Variants in ACSL3 observed in about 807,000 individuals in gnomAD.
ACSL3 encodes the protein fatty acid CoA ligase Acsl3.
ACSL3 carries 34 observed loss-of-function variants against 84.7 expected under a neutral mutation model. The ratio of observed to expected loss-of-function variants is 0.40; its 90% CI spans 0.31 to 0.53. The LOEUF is 0.53. Ranked by LOEUF, ACSL3 falls within the 20% of genes least tolerant of loss-of-function variation. The probability of loss-of-function intolerance (pLI) is 0.48; values close to 1 mark genes in which losing one functional copy is unlikely to be tolerated. For synonymous variants in ACSL3, 315 were observed against 299.4 expected, an observed-to-expected ratio of 1.05 and a Z score of -0.54; for missense variants, 680 against 873.1, an observed-to-expected ratio of 0.78 and a Z score of 2.79.
intron 15 of ACSL3, among the ~76,000 whole-genome samples, chr2:222,934,055 G>T (rs1368020451): frequency 6.6e-6 from 1 of 152,080 alleles, no homozygotes; most frequent in African/African-American, 2.4e-5. Flanking sequence ...GGCATAGTCA[G>T]AGTTCCTCTA....
chr2:222,918,958 GA>G, intron 6 of ACSL3, 105 bp from the exon 7 acceptor site: 1 of 1,357,872 alleles, frequency 7.4e-7, no homozygotes, highest in Non-Finnish European at 1.0e-6. Context: ...TTTCTTTTTT[GA>G]GGCAAGAAAT....
intron 11 of ACSL3, among the ~76,000 whole-genome samples, chr2:222,925,870 T>C (rs568340521): frequency 3.0e-4 from 45 of 152,334 alleles, no homozygotes; most frequent in Admixed American, 2.6e-3. Flanking sequence ...ATAGAGTACA[T>C]AGATTTATGA....
intron 1 of ACSL3, 107 bp downstream of exon 1, chr2:222,861,365 C>T (rs1453563869): frequency 6.6e-6 from 1 of 151,740 alleles, no homozygotes; most frequent in Non-Finnish European, 1.5e-5. Context: ...GGCCTGGGAC[C>T]CTGTCGTCGG....
intron 2 of ACSL3, among the ~76,000 whole-genome samples, chr2:222,892,877 C>T (rs1004312696): frequency 2.0e-5 from 3 of 152,152 alleles, no homozygotes; most frequent in Admixed American, 2.0e-4. Context: ...GCTTGTTTGC[C>T]TGCACTCAGA....
chr2:222,863,826 A>G (rs1695071176), intron 1 of ACSL3, among the ~76,000 whole-genome samples: 1 of 152,220 alleles, frequency 6.6e-6, no homozygotes, highest in African/African-American at 2.4e-5. Context: ...AATTCAAATA[A>G]TACATTGCAA....
At chr2:222,936,377 A>G (rs566542327) in intron 16 of ACSL3, among the ~76,000 whole-genome samples, 17 of 152,240 alleles carry the variant, frequency 1.1e-4, no homozygotes, top group Middle Eastern at 3.4e-3. Context: ...ATTCCCACCA[A>G]CGGTATTAAG....
At chr2:222,937,878 GC>G (rs1275219085) in intron 16 of ACSL3, among the ~76,000 whole-genome samples, 1 of 144,502 alleles carries the variant, frequency 6.9e-6, no homozygotes, top group Admixed American at 6.7e-5. Flanking sequence ...CTCTCTTGCT[GC>G]CTTCTTTTGT....
At chr2:222,913,649 T>C (rs1696500391) in intron 4 of ACSL3, among the ~76,000 whole-genome samples, 1 of 152,076 alleles carries the variant, frequency 6.6e-6, no homozygotes, top group African/African-American at 2.4e-5. Context: ...TTTTTCACAA[T>C]TGTTAATCAG....
Position 222,912,741 on chromosome 2 carries a change from CGTT to C in ACSL3, c.379-3575_379-3573del, listed in dbSNP as rs1236572270. Among the ~76,000 whole-genome samples, 2 of 152,150 alleles carry C rather than the reference CGTT, an allele frequency of 1.3e-5. 1 individual carries two copies. The highest frequency in any genetic ancestry group is 2.9e-5 in the Non-Finnish European group (2 of 68,028). On this transcript the variant is annotated intron_variant, in intron 4 of 16. Coordinates refer to ENST00000357430, the MANE Select transcript of ACSL3 (RefSeq NM_004457.5). Reference sequence around the variant, plus strand: ...AAGGCAGTGGCGATGACCCTGCTCTCGTTGTGTCCAAGGTAGAGTAGCCACCAG... The same window carrying C: ...AAGGCAGTGGCGATGACCCTGCTCTCGTGTCCAAGGTAGAGTAGCCACCAG...
intron 16 of ACSL3, among the ~76,000 whole-genome samples, chr2:222,941,274 A>G (rs1001431558): frequency 6.6e-6 from 1 of 151,818 alleles, no homozygotes; most frequent in Admixed American, 6.6e-5. Flanking sequence ...TTTTGTTCCT[A>G]TATCATATTT....
chr2:222,921,549 G>C (rs1696739449), intron 8 of ACSL3, 119 bp downstream of exon 8: 2 of 973,092 alleles, frequency 2.1e-6, no homozygotes, highest in Non-Finnish European at 2.9e-6. Flanking sequence ...TTTGTAGTAG[G>C]CATTTCCTTA....
chr2:222,862,446 T>A (rs1281369047), intron 1 of ACSL3, among the ~76,000 whole-genome samples: 1 of 152,188 alleles, frequency 6.6e-6, no homozygotes. Context: ...GAGTTGTAGT[T>A]TGATGATACC....
Position 222,879,896 on chromosome 2 carries a change from CT to C in ACSL3, c.-206-7920del, listed in dbSNP as rs879514603. Among the ~76,000 whole-genome samples, 370 of 143,980 alleles carry C rather than the reference CT, an allele frequency of 2.6e-3. 1 individual carries two copies. Among genetic ancestry groups the C allele is most frequent in the African/African-American group, 3.7e-3 (147 of 39,490 alleles). 94.5% of individuals were successfully genotyped at this position (143,980 alleles called of 152,430 possible). A position where few individuals can be genotyped will look rare whatever the true frequency, so the allele number is the denominator to read the frequency against. ...ATCAGAATAAAGACCAATAATAAAC[CT>C]TTTTTTTTTTTTTCTATTTATGGAA... On this transcript the variant is annotated intron_variant, in intron 1 of 16. Transcript: ENST00000357430.
At chr2:222,916,200 AAAG>A (rs1696576539) in intron 4 of ACSL3, 116 bp from the exon 5 acceptor site, 5 of 636,768 alleles carry the variant, frequency 7.9e-6, no homozygotes, top group Non-Finnish European at 1.2e-5. Context: ...TTTTTATTAA[AAAG>A]ATAATTCTAT....
chr2:222,909,534 T>A, intron 4 of ACSL3: 1 of 168,370 alleles, frequency 5.9e-6, no homozygotes, highest in Non-Finnish European at 1.3e-5. Context: ...GTGCTTCATG[T>A]CTTTGTACTT....
chr2:222,865,114 G>C lies in ACSL3; in HGVS notation c.-207+3856G>C, dbSNP rs578215360. On this transcript the variant is annotated intron_variant, in intron 1 of 16. Coordinates refer to ENST00000357430, the MANE Select transcript of ACSL3 (RefSeq NM_004457.5). Reference sequence around the variant, plus strand: ...GGAGACATTGTAAATGTTAAATCCTGTGGTGCCTTCCTTACATGTTTATTT... The same window carrying C: ...GGAGACATTGTAAATGTTAAATCCTCTGGTGCCTTCCTTACATGTTTATTT... Among the ~76,000 whole-genome samples, 43 of 152,278 alleles carry C rather than the reference G, an allele frequency of 2.8e-4. 1 individual carries two copies. In the South Asian group the frequency reaches 8.7e-3, roughly 31 times the overall value.
chr2:222,894,085 ATTTAATAGC>A lies in ACSL3; in HGVS notation c.-148+6198_-148+6206del, dbSNP rs1695911392. On this transcript the variant is annotated intron_variant, in intron 2 of 16. Coordinates refer to ENST00000357430, the MANE Select transcript of ACSL3 (RefSeq NM_004457.5). ...ATTTGACTATGATATTAATAATATT[ATTTAATAGC>A]AATTTTTAACATAAAATTTTATTTT... is the stretch of plus-strand genomic sequence containing the variant. Among the ~76,000 whole-genome samples, 3 of 152,220 alleles carry A rather than the reference ATTTAATAGC, an allele frequency of 2.0e-5. No individual in the cohort carries two copies. The South Asian group carries it at 6.2e-4, about 32-fold the overall frequency.
intron 4 of ACSL3, among the ~76,000 whole-genome samples, chr2:222,914,705 A>G (rs1382226927): frequency 6.6e-6 from 1 of 152,210 alleles, no homozygotes; most frequent in Non-Finnish European, 1.5e-5. Context: ...AGCAGTGTTC[A>G]ATGATATTGG....
Position 222,907,770 on chromosome 2 carries a change from A to T in ACSL3, c.-40-963A>T, listed in dbSNP as rs1052499384. On this transcript the variant is annotated intron_variant, in intron 3 of 16. Coordinates refer to ENST00000357430, the MANE Select transcript of ACSL3 (RefSeq NM_004457.5). ...GATCCTGTCTTTAAAAAAAAAAAAA[A>T]AAAGGTATTATTACCCACCTGCCAC... Among the ~76,000 whole-genome samples, 6 of 151,896 alleles carry T rather than the reference A, an allele frequency of 4.0e-5. No individual in the cohort carries two copies. In the East Asian group the frequency reaches 7.8e-4, roughly 20 times the overall value.
Sources: gnomAD v4.1 joint callset for allele counts (sites outside exome capture counted in the v4.1 genomes callset) on GRCh38, gnomAD v4.1.1 for gene constraint, MANE v1.5 for transcripts, NCBI Gene and HGNC (gene_info 2026-07-23, HGNC 2026-07-21) for gene names.